Variants in SCN8A observed in about 807,000 individuals in gnomAD.
SCN8A encodes the protein sodium channel protein type 8 subunit alpha.
Under a neutral mutation model 184.1 loss-of-function variants are expected in SCN8A, and 30 were observed. The ratio of observed to expected loss-of-function variants is 0.16; its 90% confidence interval spans 0.12 to 0.22. The LOEUF (loss-of-function observed/expected upper bound fraction) is 0.22. Ranked by LOEUF, SCN8A falls within the 10% of genes least tolerant of loss-of-function variation. The pLI, the probability that SCN8A is intolerant of heterozygous loss-of-function variation, is 1.00. For missense variants in SCN8A, 1,057 were observed against 2,498.9 expected (o/e 0.42, Z 12.30); for synonymous variants, 852 against 907.0 (o/e 0.94, Z 1.09).
intron 11 of SCN8A, chr12:51,713,107 C>G (rs915204148): frequency 7.7e-7 from 1 of 1,299,508 alleles, no homozygotes; most frequent in Non-Finnish European, 1.1e-6. Flanking sequence ...AGCAGATCCT[C>G]TCTTTTTTCC....
chr12:51,803,084 A>G (rs1007643574), intron 26 of SCN8A, among the ~76,000 whole-genome samples: 2 of 152,204 alleles, frequency 1.3e-5, no homozygotes, highest in African/African-American at 4.8e-5. Context: ...GCCATCTGCA[A>G]GCTGAGGAGC....
intron 1 of SCN8A, among the ~76,000 whole-genome samples, chr12:51,632,702 T>C (rs1166291838): frequency 3.9e-5 from 6 of 152,158 alleles, no homozygotes; most frequent in Admixed American, 3.9e-4. Flanking sequence ...CAGAGAATAA[T>C]ATAATATTTA....
rs74817053 is a variant in SCN8A, at chr12:51,639,563, C to T, written c.-54-23201C>T. Among the ~76,000 whole-genome samples, 1,239 of 152,130 alleles carry T rather than the reference C, an allele frequency of 8.1e-3. 9 individuals carry two copies. Among genetic ancestry groups the T allele is most frequent in the African/African-American group, 0.027 (1,130 of 41,482 alleles). The stretch of plus-strand genomic sequence containing the variant: ...CCAAGTAGGTGGGACTATGGCTGCG[C>T]GCCACAGCGTGACTCAAATTGTGAA... On this transcript the variant is annotated intron_variant, in intron 1 of 26. Coordinates refer to ENST00000627620, the MANE Select transcript of SCN8A (RefSeq NM_001330260.2).
chr12:51,602,790 G>A (rs1259022094), intron 1 of SCN8A, among the ~76,000 whole-genome samples: 2 of 151,958 alleles, frequency 1.3e-5, no homozygotes, highest in African/African-American at 4.8e-5. Flanking sequence ...GGATGAGCAG[G>A]GTACTCTTTC....
chr12:51,703,028 T>A, intron 9 of SCN8A, 114 bp downstream of exon 9: 1 of 1,016,380 alleles, frequency 9.8e-7, no homozygotes, highest in Non-Finnish European at 1.4e-6. Flanking sequence ...CTAACTGTTG[T>A]GTTTCCCACA....
chr12:51,804,327 CT>C (rs1555230639), intron 26 of SCN8A, among the ~76,000 whole-genome samples: 548 of 143,688 alleles, frequency 3.8e-3, no homozygotes, highest in Middle Eastern at 7.2e-3. Flanking sequence ...TTTCTCTTTT[CT>C]TTTTTTTTTT....
In SCN8A at chr12:51,812,745, T is replaced by C. The variant is rs1938952777; in HGVS notation, c.*5316T>C. 1 of 152,240 alleles carries C rather than the reference T, an allele frequency of 6.6e-6. No homozygotes were observed. The highest frequency in any genetic ancestry group is 2.1e-4 in the South Asian group (1 of 4,828). The allele number at this position is 152,240 out of a possible 1,614,324, so 9.4% of individuals were successfully genotyped here. On this transcript the variant is annotated 3_prime_UTR_variant, in exon 27 of 27. Coordinates refer to ENST00000627620, the MANE Select transcript of SCN8A (RefSeq NM_001330260.2). ...GGAAATGGCAGAAATGCTTGAGAAA[T>C]GAGAATGTGTAAGTGGATTGGAAGT...
At chr12:51,616,641 T>A (rs560277031) in intron 1 of SCN8A, among the ~76,000 whole-genome samples, 24 of 152,176 alleles carry the variant, frequency 1.6e-4, no homozygotes, top group African/African-American at 5.5e-4. Flanking sequence ...TTCACTGGGT[T>A]GGGCATGGTG....
intron 2 of SCN8A, among the ~76,000 whole-genome samples, chr12:51,666,888 G>T (rs188432802): frequency 6.6e-6 from 1 of 152,208 alleles, no homozygotes; most frequent in Admixed American, 6.5e-5. Flanking sequence ...TCCTTGTTGG[G>T]TTTCACACTG....
chr12:51,770,327 GA>G (rs1942905151), intron 18 of SCN8A: 3 of 616,696 alleles, frequency 4.9e-6, no homozygotes, highest in Non-Finnish European at 8.3e-6. Context: ...CTTGACTCCT[GA>G]GGGCCTTGCC....
At position 51,807,263 on chromosome 12, in the gene SCN8A, A is replaced by C; in HGVS notation, c.5777A>C (p.Glu1926Ala). 4 of 1,613,998 alleles carry C rather than the reference A, an allele frequency of 2.5e-6. No individual in the cohort carries two copies. Among genetic ancestry groups the C allele is most frequent in the Non-Finnish European group, 3.4e-6 (4 of 1,179,886 alleles). Residue 1926 changes from glutamate to alanine, a missense_variant, in exon 27 of 27, where the codon GAG (glutamate) becomes GCG (alanine). By Grantham distance (107) the Glu-to-Ala change is moderately radical. This residue lies in a region of SCN8A where 95 missense variants were observed against 140.2 expected (regional missense o/e 0.68). Transcript: ENST00000627620. The surrounding 1 kb of genome is among the most constrained non-coding windows in gnomAD (Gnocchi z 4.5). ...AAAAAGACAACTTCTAATAAGCTGG[A>C]GAATGGAGGCACACACCGGGAGAAA... is the stretch of plus-strand genomic sequence containing the variant. ...ICKKTTSNKL[E>A]NGGTHREKKE...
chr12:51,807,383 G>A lies in SCN8A; in HGVS notation c.5897G>A (p.Arg1966Lys). ...CAGCAGCGGGCAGAGGAAGGAAGAAGGGAAAGAGCCAAAAGACAAAAAGAG... is the reference window on the plus strand; with the variant it reads ...CAGCAGCGGGCAGAGGAAGGAAGAAAGGAAAGAGCCAAAAGACAAAAAGAG... Reference protein sequence around the residue: ...EKQQRAEEGRRERAKRQKEVR... With the variant: ...EKQQRAEEGRKERAKRQKEVR... The change falls in exon 27 of 27, where the codon AGG (arginine) becomes AAG (lysine). Residue 1966 changes from arginine (R) to lysine (K), a missense_variant. This residue lies in a region of SCN8A where 95 missense variants were observed against 140.2 expected (regional missense o/e 0.68). Coordinates refer to ENST00000627620, the MANE Select transcript of SCN8A (RefSeq NM_001330260.2). This position sits in a 1 kb window ranked among gnomAD's most constrained non-coding sequence, Gnocchi z 4.5. 1 of 1,613,188 alleles carries A rather than the reference G, an allele frequency of 6.2e-7. No homozygotes were observed. Among genetic ancestry groups the A allele is most frequent in the Non-Finnish European group, 8.5e-7 (1 of 1,179,486 alleles).
At chr12:51,679,204 A>G (rs1349930560) in intron 2 of SCN8A, among the ~76,000 whole-genome samples, 1 of 152,162 alleles carries the variant, frequency 6.6e-6, no homozygotes, top group Non-Finnish European at 1.5e-5. Context: ...GGAGTTCGAG[A>G]CCAGCCTGGA....
intron 5 of SCN8A, chr12:51,688,671 G>T: frequency 2.4e-6 from 2 of 843,718 alleles, no homozygotes; most frequent in Admixed American, 4.2e-5. Flanking sequence ...TGAAACCATA[G>T]CTTGTATATA....
intron 1 of SCN8A, among the ~76,000 whole-genome samples, chr12:51,644,128 C>G (rs956239409): frequency 1.2e-4 from 18 of 152,152 alleles, no homozygotes; most frequent in African/African-American, 3.9e-4. Context: ...GTCAGAGAAA[C>G]CAACTTTGCT....
intron 6 of SCN8A, 75 bp from the exon 7 acceptor site, chr12:51,699,495 G>A (rs1367461877): frequency 1.8e-6 from 2 of 1,102,054 alleles, no homozygotes; most frequent in South Asian, 3.2e-5. Flanking sequence ...GTAGCAGCCA[G>A]TGGCTAAGAG....
intron 4 of SCN8A, 126 bp downstream of exon 4, chr12:51,686,583 G>C (rs1941424381): frequency 1.5e-6 from 1 of 663,148 alleles, no homozygotes; most frequent in Non-Finnish European, 2.7e-6. Flanking sequence ...ATTTCACAGA[G>C]AAGGCTGAAA....
chr12:51,649,274 C>T (rs186574548), intron 1 of SCN8A, among the ~76,000 whole-genome samples: 141 of 152,296 alleles, frequency 9.3e-4, no homozygotes, highest in African/African-American at 3.3e-3. Context: ...GTGTGTCTGT[C>T]TTTTCCAAGC....
chr12:51,679,621 A>AT (rs1347719844), intron 2 of SCN8A, among the ~76,000 whole-genome samples: 1 of 151,638 alleles, frequency 6.6e-6, no homozygotes, highest in Non-Finnish European at 1.5e-5. Flanking sequence ...GGTGCCGGGT[A>AT]TATTACTTAT....
Sources: gnomAD v4.1 joint callset for allele counts (sites outside exome capture counted in the v4.1 genomes callset) on GRCh38, gnomAD v4.1.1 for gene constraint, gnomAD v4.1.1 regional missense constraint, Gnocchi (gnomAD v3.1) non-coding constraint, MANE v1.5 for transcripts, NCBI Gene and HGNC (gene_info 2026-07-23, HGNC 2026-07-21) for gene names.